The following NUDT9 variants were observed in gnomAD, a reference collection of about 807,000 sequenced individuals.
NUDT9 encodes nudix hydrolase 9.
A neutral mutation model predicts 41.0 loss-of-function variants in NUDT9; 31 were observed. The observed-to-expected ratio is 0.76, with a 90% CI of 0.57 to 1.02. NUDT9 has a LOEUF of 1.02. Among genes scored for constraint, NUDT9 ranks in the 50% least tolerant of loss-of-function variants. The pLI is 0.00. For missense variants in NUDT9, 380 were observed against 431.4 expected, an observed-to-expected ratio of 0.88 and a Z score of 1.06; for synonymous variants, 146 against 147.6, an observed-to-expected ratio of 0.99 and a Z score of 0.08.
chr4:87,427,843 G>A (rs1161602530), intron 1 of NUDT9, among the ~76,000 whole-genome samples: 2 of 152,166 alleles, frequency 1.3e-5, no homozygotes, highest in East Asian at 1.9e-4. Flanking sequence ...GGTTCCATAT[G>A]TTAAAATTTT....
rs915074063 is a variant in NUDT9, at chr4:87,458,197, A to G, written c.*176A>G. On this transcript the variant is annotated 3_prime_UTR_variant, in exon 8 of 8. Transcript: ENST00000302174. The stretch of plus-strand genomic sequence containing the variant: ...AATAACATGAGTAAGATGAACTGGA[A>G]CACAAAATTTTCAGCTCTTTGGTCA... 1.8e-5 allele frequency: 8 copies of G among 455,192 alleles called. No individual in the cohort carries two copies. The highest frequency in any genetic ancestry group is 1.4e-4 in the African/African-American group (7 of 49,360). 28.2% of individuals were successfully genotyped at this position (455,192 alleles called of 1,614,324 possible). A position where few individuals can be genotyped will look rare whatever the true frequency, so the allele number is the denominator to read the frequency against.
At chr4:87,448,745 G>A (rs1722581300) in intron 4 of NUDT9, among the ~76,000 whole-genome samples, 1 of 152,178 alleles carries the variant, frequency 6.6e-6, no homozygotes, top group African/African-American at 2.4e-5. Flanking sequence ...GGGATTACAA[G>A]TGCGAGACAC....
chr4:87,424,469 G>A (rs1721316164), intron 1 of NUDT9, among the ~76,000 whole-genome samples: 1 of 152,046 alleles, frequency 6.6e-6, no homozygotes. Context: ...ATCTTGGTTA[G>A]GCTGATCTGG....
intron 4 of NUDT9, 44 bp from the exon 5 acceptor site, chr4:87,449,098 G>A (rs373963375): frequency 2.6e-6 from 3 of 1,165,204 alleles, no homozygotes; most frequent in African/African-American, 1.5e-5. Flanking sequence ...TAGAACCTTA[G>A]TTTTTGTTGT....
At chr4:87,429,611 ATTTG>A (rs536343439) in intron 1 of NUDT9, among the ~76,000 whole-genome samples, 90 of 148,050 alleles carry the variant, frequency 6.1e-4, no homozygotes, top group African/African-American at 2.2e-3. Context: ...TCCTTTTTAA[ATTTG>A]TTTTTCTTTC....
At chr4:87,447,320 A>G (rs1427542314) in intron 4 of NUDT9, among the ~76,000 whole-genome samples, 1 of 152,140 alleles carries the variant, frequency 6.6e-6, no homozygotes, top group African/African-American at 2.4e-5. Flanking sequence ...CTGCTAGACT[A>G]TGAGCTCTTT....
intron 2 of NUDT9, among the ~76,000 whole-genome samples, chr4:87,435,662 C>A (rs2110168783): frequency 6.6e-6 from 1 of 152,048 alleles, no homozygotes; most frequent in East Asian, 1.9e-4. Context: ...TGATGATAAA[C>A]CAGTGTGAAA....
intron 1 of NUDT9, among the ~76,000 whole-genome samples, chr4:87,433,983 T>C (rs1420688464): frequency 1.3e-5 from 2 of 152,356 alleles, no homozygotes. Context: ...ATACGTTTTA[T>C]GTGTATGTTA....
At chr4:87,423,877 C>T (rs1721273664) in intron 1 of NUDT9, among the ~76,000 whole-genome samples, 1 of 152,132 alleles carries the variant, frequency 6.6e-6, no homozygotes, top group South Asian at 2.1e-4. Context: ...TGAGCAGGTA[C>T]CAGATGGGTA....
chr4:87,430,401 A>G (rs1322560991), intron 1 of NUDT9, among the ~76,000 whole-genome samples: 3 of 152,244 alleles, frequency 2.0e-5, no homozygotes, highest in African/African-American at 7.2e-5. Context: ...TTGTGGCTTC[A>G]GTAGAAAACT....
At position 87,429,606 on chromosome 4, in the gene NUDT9, T is replaced by C. The variant is rs533064191; in HGVS notation, c.108-5375T>C. Among the ~76,000 whole-genome samples the C allele has an allele frequency of 1.2e-3, 182 of 152,176 alleles. 1 individual carries two copies. The highest frequency in any genetic ancestry group is 4.2e-3 in the African/African-American group (174 of 41,544). On this transcript the variant is annotated intron_variant, in intron 1 of 7. Transcript: ENST00000302174. ...CTTTTCCTTCAGTTTTCTTATCCTTTTTAAATTTGTTTTTCTTTCTTGTTC... is the reference window on the plus strand; with the variant it reads ...CTTTTCCTTCAGTTTTCTTATCCTTCTTAAATTTGTTTTTCTTTCTTGTTC...
At chr4:87,456,070 T>G (rs1722978904) in intron 7 of NUDT9, among the ~76,000 whole-genome samples, 1 of 152,176 alleles carries the variant, frequency 6.6e-6, no homozygotes, top group Non-Finnish European at 1.5e-5. Context: ...AGGCTGTGTT[T>G]TTTGTTTGCT....
intron 4 of NUDT9, among the ~76,000 whole-genome samples, chr4:87,447,533 A>G (rs1289965017): frequency 6.7e-6 from 1 of 148,462 alleles, no homozygotes; most frequent in African/African-American, 2.5e-5. Flanking sequence ...GACAATTCCT[A>G]AAATTGGGCT....
intron 1 of NUDT9, among the ~76,000 whole-genome samples, chr4:87,431,141 T>A (rs1156846688): frequency 1.3e-5 from 2 of 152,196 alleles, no homozygotes; most frequent in African/African-American, 4.8e-5. Context: ...GGGTCAAACT[T>A]CATACTACTT....
chr4:87,434,101 C>G (rs1721801458), intron 1 of NUDT9: 1 of 152,252 alleles, frequency 6.6e-6, no homozygotes, highest in Non-Finnish European at 1.5e-5. Flanking sequence ...GTCGCCCAGG[C>G]TGGAGTGCAG....
chr4:87,423,671 T>C (rs969213885), intron 1 of NUDT9, among the ~76,000 whole-genome samples: 1 of 152,254 alleles, frequency 6.6e-6, no homozygotes, highest in South Asian at 2.1e-4. Context: ...ATTTACTTAC[T>C]GTTGGTCAAT....
At position 87,459,125 on chromosome 4, in the gene NUDT9, G is replaced by T. The variant is rs1462918665; in HGVS notation, c.*1104G>T. On this transcript the variant is annotated 3_prime_UTR_variant, in exon 8 of 8. Transcript: ENST00000302174. ...ACTATGCAGCCGTAAAAAAGAATAA[G>T]ATCATGTCCTCTGAAAAGACATGGG... The T allele has an allele frequency of 6.6e-6, 1 of 152,176 alleles. No homozygotes were observed. Among genetic ancestry groups the T allele is most frequent in the Non-Finnish European group, 1.5e-5 (1 of 68,030 alleles). 9.4% of individuals were successfully genotyped at this position (152,176 alleles called of 1,614,324 possible).
rs1316134717 is a variant in NUDT9, at chr4:87,458,743, T to C, written c.*722T>C. ...TTCACTCTAGTGAAACTACTATATGTTGTAAATTAGTTAAAAATGGATGTT... is the reference window on the plus strand; with the variant it reads ...TTCACTCTAGTGAAACTACTATATGCTGTAAATTAGTTAAAAATGGATGTT... On this transcript the variant is annotated 3_prime_UTR_variant, in exon 8 of 8. Coordinates refer to ENST00000302174, the MANE Select transcript of NUDT9 (RefSeq NM_024047.5). 1 of 152,210 alleles carries C rather than the reference T, an allele frequency of 6.6e-6. No homozygotes were observed. The highest frequency in any genetic ancestry group is 1.5e-5 in the Non-Finnish European group (1 of 68,046). The allele number at this position is 152,210 out of a possible 1,614,324, so 9.4% of individuals were successfully genotyped here.
intron 4 of NUDT9, among the ~76,000 whole-genome samples, chr4:87,446,631 G>A (rs143124434): frequency 1.3e-5 from 2 of 152,238 alleles, no homozygotes; most frequent in Admixed American, 1.3e-4. Flanking sequence ...AGATTGTCCA[G>A]GTTCAAAGTT....
Sources: allele counts gnomAD v4.1 joint callset (sites outside exome capture counted in the v4.1 genomes callset), GRCh38; gene constraint gnomAD v4.1.1; transcripts MANE v1.5; gene names NCBI Gene and HGNC (gene_info 2026-07-23, HGNC 2026-07-21).